Variants in YLPM1 observed in about 807,000 individuals in gnomAD.
YLPM1 encodes the protein YLP motif-containing protein 1.
In YLPM1, 99 loss-of-function variants were observed where a neutral mutation model predicts 230.0. The observed-to-expected ratio is 0.43, with a 90% CI of 0.37 to 0.51. The LOEUF (loss-of-function observed/expected upper bound fraction) is 0.51. Ranked by LOEUF, YLPM1 falls within the 20% of genes least tolerant of loss-of-function variation. The pLI, the probability that YLPM1 is intolerant of heterozygous loss-of-function variation, is 0.00. For missense variants in YLPM1, 2,592 were observed against 2,707.7 expected (o/e 0.96, Z 0.95); for synonymous variants, 984 against 942.5 (o/e 1.04, Z -0.81).
At chr14:74,829,081 C>A in intron 18 of YLPM1, 132 bp from the exon 19 acceptor site, 2 of 989,578 alleles carry the variant, frequency 2.0e-6, no homozygotes, top group Non-Finnish European at 2.9e-6. Context: ...TAGTTTGGAT[C>A]TGCAAGTGAT....
intron 19 of YLPM1, among the ~76,000 whole-genome samples, chr14:74,833,500 G>A (rs1002608288): frequency 6.6e-6 from 1 of 152,146 alleles, no homozygotes; most frequent in African/African-American, 2.4e-5. Context: ...TGATCTGCCG[G>A]CCTCGGCCTC....
In YLPM1 at chr14:74,810,437, T is replaced by A. The variant is rs757404375; in HGVS notation, c.5228+17T>A. ...AGATGATAGGTATGCTATAAAACAATCTTTGCTAGGTGTACAAATTACTGT... is the reference window on the plus strand; with the variant it reads ...AGATGATAGGTATGCTATAAAACAAACTTTGCTAGGTGTACAAATTACTGT... On this transcript the variant is annotated intron_variant, in intron 9 of 20. Coordinates refer to ENST00000325680, the MANE Select transcript of YLPM1 (RefSeq NM_019589.3). 1 of 1,611,618 alleles carries A rather than the reference T, an allele frequency of 6.2e-7. No homozygotes were observed. Among genetic ancestry groups the A allele is most frequent in the South Asian group, 1.1e-5 (1 of 90,974 alleles).
At chr14:74,792,956 T>TA (rs2140102591) in intron 4 of YLPM1, among the ~76,000 whole-genome samples, 1 of 152,324 alleles carries the variant, frequency 6.6e-6, no homozygotes, top group South Asian at 2.1e-4. Context: ...ATCTCACACT[T>TA]ACTTGCTAAT....
intron 4 of YLPM1, among the ~76,000 whole-genome samples, chr14:74,790,762 T>C (rs1045068958): frequency 6.6e-5 from 10 of 152,204 alleles, no homozygotes; most frequent in African/African-American, 2.4e-4. Flanking sequence ...TTTAAATACA[T>C]GTTTTTATAT....
intron 19 of YLPM1, 35 bp downstream of exon 19, chr14:74,829,378 A>G: frequency 8.7e-6 from 14 of 1,610,596 alleles, no homozygotes; most frequent in Non-Finnish European, 1.2e-5. Context: ...CAACAAATGA[A>G]GGGCCCATTT....
At chr14:74,828,038 A>G in intron 18 of YLPM1, 1 of 981,940 alleles carries the variant, frequency 1.0e-6, no homozygotes, top group Non-Finnish European at 1.2e-6. Flanking sequence ...AAGGGGGCTT[A>G]GGAACAAAAA....
At chr14:74,805,336 G>A (rs969115290) in intron 6 of YLPM1, among the ~76,000 whole-genome samples, 4 of 151,746 alleles carry the variant, frequency 2.6e-5, no homozygotes, top group African/African-American at 9.7e-5. Flanking sequence ...CTTCTTAGGA[G>A]TAAGTTTTAT....
chr14:74,778,057 A>G (rs917571057), intron 1 of YLPM1, among the ~76,000 whole-genome samples: 3 of 152,190 alleles, frequency 2.0e-5, no homozygotes, highest in Non-Finnish European at 4.4e-5. Flanking sequence ...GTTCAGTTAT[A>G]TTCATTAATT....
At position 74,781,822 on chromosome 14, in the gene YLPM1, A is replaced by G. The variant is rs1443906661; in HGVS notation, c.1779A>G (p.Pro593=). Residue 593 remains proline, a synonymous_variant, in exon 4 of 21, where the codon CCA becomes CCG. Transcript: ENST00000325680. ...CAGGGCCACCACCAGTTCTCCCCCCACCTTCCCTGTCTTCTGCAGGGCCAC... is the reference window on the plus strand; with the variant it reads ...CAGGGCCACCACCAGTTCTCCCCCCGCCTTCCCTGTCTTCTGCAGGGCCAC... ...SSAGPPPVLP[P]PSLSSAGPPP... is the part of the protein sequence containing the mutation. 2 of 1,561,380 alleles carry G rather than the reference A, an allele frequency of 1.3e-6. No individual in the cohort carries two copies. The highest frequency in any genetic ancestry group is 1.7e-6 in the Non-Finnish European group (2 of 1,157,532).
At chr14:74,785,365 C>T (rs1460230734) in intron 4 of YLPM1, among the ~76,000 whole-genome samples, 1 of 152,188 alleles carries the variant, frequency 6.6e-6, no homozygotes, top group Non-Finnish European at 1.5e-5. Flanking sequence ...ATCCTACTCA[C>T]ATTATCCACC....
At chr14:74,818,149 G>T in intron 15 of YLPM1, 82 bp from the exon 16 acceptor site, 1 of 710,628 alleles carries the variant, frequency 1.4e-6, no homozygotes, top group Non-Finnish European at 2.1e-6. Context: ...TTAAAATATT[G>T]TTAAATGTTG....
chr14:74,788,326 T>C (rs1311410195), intron 4 of YLPM1, among the ~76,000 whole-genome samples: 1 of 152,138 alleles, frequency 6.6e-6, no homozygotes, highest in African/African-American at 2.4e-5. Flanking sequence ...TTCACCGTGT[T>C]AGCCAGGATG....
chr14:74,766,627 T>C (rs2090914065), intron 1 of YLPM1, among the ~76,000 whole-genome samples: 2 of 146,586 alleles, frequency 1.4e-5, no homozygotes, highest in East Asian at 2.1e-4. Flanking sequence ...CATGCCACCA[T>C]GCCTGGCTAT....
intron 9 of YLPM1, 142 bp from the exon 10 acceptor site, chr14:74,811,478 A>C (rs12896360): frequency 0.65 from 362,486 of 554,114 alleles, 120,926 homozygotes; most frequent in Admixed American, 0.69. Context: ...GTAAGACCCC[A>C]ATCTCAAAAA....
At position 74,781,768 on chromosome 14, in the gene YLPM1, A is replaced by G; in HGVS notation, c.1725A>G (p.Pro575=). 6.4e-7 allele frequency: 1 copy of G among 1,573,212 alleles called. No individual in the cohort carries two copies. The highest frequency in any genetic ancestry group is 8.6e-7 in the Non-Finnish European group (1 of 1,165,420). The change falls in exon 4 of 21, where the codon CCA becomes CCG. Residue 575 remains proline (P), a synonymous_variant. Transcript: ENST00000325680. ...MPPSLPTSVP[P]PGMPPSLSSA... ...CTTCTCTACCAACCTCTGTTCCCCC[A>G]CCAGGGATGCCTCCTTCTCTCTCTT...
chr14:74,830,484 A>G (rs1399876990), intron 19 of YLPM1, among the ~76,000 whole-genome samples: 3 of 152,158 alleles, frequency 2.0e-5, no homozygotes, highest in Non-Finnish European at 4.4e-5. Context: ...ATACAGAACT[A>G]CCATTCTTTT....
At chr14:74,809,265 T>C in intron 6 of YLPM1, 115 bp from the exon 7 acceptor site, 1 of 1,354,984 alleles carries the variant, frequency 7.4e-7, no homozygotes, top group Non-Finnish European at 9.6e-7. Context: ...AAATTTTGAA[T>C]GAGTCCAAGG....
chr14:74,798,287 A>T lies in YLPM1; in HGVS notation c.2990A>T (p.Asp997Val). Residue 997 changes from aspartate to valine, a missense_variant, in exon 5 of 21, where the codon GAT becomes GTT. Physicochemically the swap from Asp to Val is radical, Grantham distance 152. Around this residue, in one of 4 missense-constraint regions of YLPM1, gnomAD observed 1,862 missense variants for 1,819.8 expected, o/e 1.02. Transcript: ENST00000325680. ...CTACCCCATTCAGAAAACAACCAAG[A>T]TAAAGGCCTGCCTCGGCCAGATAAT... ...IGLPHSENNQDKGLPRPDNRD... is the reference protein window; with the variant it reads ...IGLPHSENNQVKGLPRPDNRD... The T allele has an allele frequency of 6.2e-7, 1 of 1,613,998 alleles. No homozygotes were observed. Among genetic ancestry groups the T allele is most frequent in the Non-Finnish European group, 8.5e-7 (1 of 1,179,898 alleles).
chr14:74,765,729 C>CT (rs1566733951), intron 1 of YLPM1, among the ~76,000 whole-genome samples: 2 of 152,138 alleles, frequency 1.3e-5, no homozygotes, highest in South Asian at 2.1e-4. Flanking sequence ...GTATTTTTGG[C>CT]TTTTTTTGGG....
Sources: gnomAD v4.1 joint callset for allele counts (sites outside exome capture counted in the v4.1 genomes callset) on GRCh38, gnomAD v4.1.1 for gene constraint, gnomAD v4.1.1 regional missense constraint, MANE v1.5 for transcripts, NCBI Gene and HGNC (gene_info 2026-07-23, HGNC 2026-07-21) for gene names.